The following RPRD1A variants were observed in gnomAD, a reference collection of about 807,000 sequenced individuals.
RPRD1A encodes the protein regulation of nuclear pre-mRNA domain containing 1A.
A neutral mutation model predicts 37.8 loss-of-function variants in RPRD1A; 9 were observed. That is an observed-to-expected ratio of 0.24 (90% CI 0.14 to 0.42). RPRD1A has a LOEUF of 0.42. RPRD1A is among the 10% of genes least tolerant of loss of function. The pLI, the probability that RPRD1A is intolerant of heterozygous loss-of-function variation, is 1.00. For synonymous variants in RPRD1A, 138 were observed against 139.7 expected, an observed-to-expected ratio of 0.99 and a Z score of 0.08; for missense variants, 255 against 371.0, an observed-to-expected ratio of 0.69 and a Z score of 2.57.
At chr18:35,997,333 A>G (rs2144144220) in intron 6 of RPRD1A, among the ~76,000 whole-genome samples, 1 of 152,262 alleles carries the variant, frequency 6.6e-6, no homozygotes, top group East Asian at 1.9e-4. Flanking sequence ...CATCCTATTG[A>G]CCATTCACAT....
intron 1 of RPRD1A, among the ~76,000 whole-genome samples, chr18:36,065,970 C>CA (rs2144447702): frequency 6.6e-6 from 1 of 151,786 alleles, no homozygotes; most frequent in East Asian, 1.9e-4. Context: ...TCTGCAAAAA[C>CA]AAAAAACAAG....
intron 1 of RPRD1A, among the ~76,000 whole-genome samples, chr18:36,043,416 G>A (rs1464287640): frequency 1.3e-5 from 2 of 152,078 alleles, no homozygotes; most frequent in Admixed American, 6.6e-5. Context: ...GAACACCCAG[G>A]TCCAGGCAAA....
chr18:36,002,635 C>CT (rs1909494400), intron 6 of RPRD1A, among the ~76,000 whole-genome samples: 2 of 152,168 alleles, frequency 1.3e-5, no homozygotes, highest in African/African-American at 4.8e-5. Flanking sequence ...ATTGTACCTA[C>CT]TTTTTCTGTT....
At chr18:36,032,389 A>G (rs553009385) in intron 2 of RPRD1A, among the ~76,000 whole-genome samples, 2 of 152,338 alleles carry the variant, frequency 1.3e-5, no homozygotes, top group Non-Finnish European at 2.9e-5. Flanking sequence ...AAAAAGGTTA[A>G]TTTAGCTTAA....
At chr18:36,054,858 G>T (rs1191665581) in intron 1 of RPRD1A, among the ~76,000 whole-genome samples, 1 of 143,166 alleles carries the variant, frequency 7.0e-6, no homozygotes, top group African/African-American at 2.6e-5. Flanking sequence ...GAGAAAAAAA[G>T]AAAGAAAAAA....
chr18:36,052,670 C>T (rs1170799283), intron 1 of RPRD1A, among the ~76,000 whole-genome samples: 3 of 152,184 alleles, frequency 2.0e-5, no homozygotes, highest in African/African-American at 7.2e-5. Context: ...ACGATCTCAG[C>T]TCACTGCAAC....
chr18:36,026,797 A>G (rs1031252704), intron 6 of RPRD1A, 103 bp downstream of exon 6: 1 of 1,030,220 alleles, frequency 9.7e-7, no homozygotes, highest in Non-Finnish European at 1.4e-6. Flanking sequence ...AAAAAGGTCT[A>G]TGTTAAAAAA....
chr18:36,015,731 C>T (rs1422533269), intron 6 of RPRD1A, among the ~76,000 whole-genome samples: 3 of 152,148 alleles, frequency 2.0e-5, no homozygotes, highest in Non-Finnish European at 4.4e-5. Context: ...AAAGAGAATA[C>T]TGTATGCTTT....
intron 2 of RPRD1A, among the ~76,000 whole-genome samples, chr18:36,033,311 A>C (rs1221715294): frequency 6.7e-6 from 1 of 149,982 alleles, no homozygotes; most frequent in Non-Finnish European, 1.5e-5. Context: ...AAAAAAAAAA[A>C]AAAAAAAAAA....
intron 1 of RPRD1A, among the ~76,000 whole-genome samples, chr18:36,051,878 C>G (rs1913421455): frequency 6.6e-6 from 1 of 151,762 alleles, no homozygotes; most frequent in Admixed American, 6.6e-5. Flanking sequence ...TATGAAGTTA[C>G]AAAAAGAAAA....
intron 6 of RPRD1A, among the ~76,000 whole-genome samples, chr18:36,008,577 G>GTGTATATATATATATATA: frequency 8.4e-5 from 4 of 47,800 alleles, no homozygotes; most frequent in African/African-American, 2.7e-4. Context: ...CCTTGTGTGT[G>GTGTATATATATATATATA]TATATATATA....
In RPRD1A at chr18:36,031,051, T is replaced by C. The variant is rs769850382; in HGVS notation, c.328A>G (p.Ile110Val). 2.5e-6 allele frequency: 4 copies of C among 1,586,792 alleles called. No individual in the cohort carries two copies. The highest frequency in any genetic ancestry group is 3.4e-6 in the Non-Finnish European group (4 of 1,173,254). ...TCATAAACAGACCTTTCTTCCCAAA[T>C]AGATAACACTCTTCCAAGGTGCTTC... ...CKKHLGRVLS[I>V]WEERSVYEND... is the part of the protein sequence containing the mutation. Residue 110 changes from isoleucine to valine, a missense_variant, in exon 3 of 7, where the codon ATT becomes GTT. Around this residue, in one of 2 missense-constraint regions of RPRD1A, gnomAD observed 211 missense variants for 268.9 expected, o/e 0.78. Transcript: ENST00000399022.
rs560586751 is a variant in RPRD1A, at chr18:35,990,493, T to C, written c.*2658A>G. ...CTATTGAGCACAGCTGATTCTCAGA[T>C]TCCTGGTTCCCCTCTATGGTCCTTT... On this transcript the variant is annotated 3_prime_UTR_variant, in exon 7 of 7. Transcript: ENST00000399022. The C allele has an allele frequency of 6.6e-6, 1 of 152,328 alleles. No homozygotes were observed. Among genetic ancestry groups the C allele is most frequent in the East Asian group, 1.9e-4 (1 of 5,186 alleles). The allele number at this position is 152,328 out of a possible 1,614,324, so 9.4% of individuals were successfully genotyped here.
At position 36,014,020 on chromosome 18, in the gene RPRD1A, G is replaced by A. The variant is rs183399635; in HGVS notation, c.789+12880C>T. On this transcript the variant is annotated intron_variant, in intron 6 of 6. Coordinates refer to ENST00000399022, the MANE Select transcript of RPRD1A (RefSeq NM_018170.5). ...TTTTATTATCTTCCTGTGATTTTTG[G>A]TACTCCACATTTTCTCCACAGTGTG... Among the ~76,000 whole-genome samples the A allele has an allele frequency of 2.7e-3, 414 of 151,858 alleles. 3 individuals are homozygous for A. The highest frequency in any genetic ancestry group is 9.5e-3 in the African/African-American group (392 of 41,432).
intron 6 of RPRD1A, among the ~76,000 whole-genome samples, chr18:36,021,192 C>T (rs1057020488): frequency 1.3e-5 from 2 of 152,122 alleles, no homozygotes; most frequent in African/African-American, 4.8e-5. Flanking sequence ...AGCCATACCT[C>T]GTTTTATCAT....
At chr18:36,054,059 A>G (rs1913590051) in intron 1 of RPRD1A, among the ~76,000 whole-genome samples, 1 of 152,216 alleles carries the variant, frequency 6.6e-6, no homozygotes, top group East Asian at 1.9e-4. Flanking sequence ...ATGTTTAGGA[A>G]ATGCCATTCA....
chr18:36,037,340 C>A (rs1912263633), intron 1 of RPRD1A, among the ~76,000 whole-genome samples: 2 of 152,126 alleles, frequency 1.3e-5, no homozygotes, highest in South Asian at 4.1e-4. Flanking sequence ...CTCATGAGAT[C>A]TGATGGTTTC....
At chr18:36,014,521 G>A (rs1403736200) in intron 6 of RPRD1A, among the ~76,000 whole-genome samples, 3 of 152,292 alleles carry the variant, frequency 2.0e-5, no homozygotes, top group Admixed American at 1.3e-4. Context: ...GGCGGATCAC[G>A]AGGTCAGGAG....
intron 1 of RPRD1A, among the ~76,000 whole-genome samples, chr18:36,063,703 T>G (rs1487865079): frequency 6.6e-6 from 1 of 152,190 alleles, no homozygotes; most frequent in Non-Finnish European, 1.5e-5. Flanking sequence ...CTGATTGCCA[T>G]TATCATTAAA....
Sources: gnomAD v4.1 joint callset for allele counts (sites outside exome capture counted in the v4.1 genomes callset) on GRCh38, gnomAD v4.1.1 for gene constraint, gnomAD v4.1.1 regional missense constraint, MANE v1.5 for transcripts, NCBI Gene and HGNC (gene_info 2026-07-23, HGNC 2026-07-21) for gene names.